Variants in CNTLN observed in about 807,000 individuals in gnomAD.
CNTLN encodes centlein, centrosomal protein.
A neutral mutation model predicts 180.0 loss-of-function variants in CNTLN; 212 were observed. The ratio of observed to expected loss-of-function variants is 1.18; its 90% CI spans 1.05 to 1.32. CNTLN has a LOEUF of 1.32. Ranked by LOEUF, CNTLN falls within the 40% of genes most tolerant of loss-of-function variation. CNTLN has a pLI of 0.00. For synonymous variants in CNTLN, 722 were observed against 563.1 expected, an observed-to-expected ratio of 1.28 and a Z score of -3.99; for missense variants, 2,095 against 1,610.9, an observed-to-expected ratio of 1.30 and a Z score of -5.14.
intron 23 of CNTLN, among the ~76,000 whole-genome samples, chr9:17,468,474 G>C (rs1831874502): frequency 6.6e-6 from 1 of 151,282 alleles, no homozygotes; most frequent in Admixed American, 6.6e-5. Context: ...ATAAATCTTG[G>C]TTTTTGTTTT....
intron 2 of CNTLN, among the ~76,000 whole-genome samples, chr9:17,180,412 T>C (rs1821052405): frequency 6.7e-6 from 1 of 149,752 alleles, no homozygotes; most frequent in African/African-American, 2.4e-5. Flanking sequence ...CTGGTATCAA[T>C]ATTTTACTAC....
At chr9:17,448,727 A>G (rs556779933) in intron 18 of CNTLN, among the ~76,000 whole-genome samples, 2 of 152,192 alleles carry the variant, frequency 1.3e-5, no homozygotes, top group Non-Finnish European at 2.9e-5. Flanking sequence ...TTGAGTGGAC[A>G]TTCACTTAAA....
intron 2 of CNTLN, among the ~76,000 whole-genome samples, chr9:17,195,459 G>A (rs1822070188): frequency 6.6e-6 from 1 of 152,044 alleles, no homozygotes; most frequent in Non-Finnish European, 1.5e-5. Context: ...ATCTCAGAAC[G>A]AATACCAAAA....
chr9:17,363,917 G>A (rs746686342), intron 12 of CNTLN, among the ~76,000 whole-genome samples: 28 of 151,784 alleles, frequency 1.8e-4, no homozygotes, highest in Non-Finnish European at 3.5e-4. Context: ...GTAAACTTTG[G>A]CATGTGAAAG....
rs1200194420 is a variant in CNTLN at position 17,342,375 on chromosome 9, A to C, written c.1817A>C (p.Glu606Ala). The change falls in exon 12 of 26, where the codon GAA becomes GCA. Residue 606 changes from glutamate (E) to alanine (A), a missense_variant. Coordinates refer to ENST00000380647, the MANE Select transcript of CNTLN (RefSeq NM_017738.4). Reference protein sequence around the residue: ...KRADPQQLRQEDSDAVWNELA... With the variant: ...KRADPQQLRQADSDAVWNELA... ...GCAGATCCCCAACAACTTCGACAAG[A>C]AGATTCTGACGCTGTGTGGAATGAA... 7 of 1,612,234 alleles carry C rather than the reference A, an allele frequency of 4.3e-6. No homozygotes were observed. In the Admixed American group the frequency reaches 8.4e-5, roughly 19 times the overall value.
intron 12 of CNTLN, among the ~76,000 whole-genome samples, 174 bp from the exon 13 acceptor site, chr9:17,366,443 C>CT (rs1281101789): frequency 6.6e-6 from 1 of 151,974 alleles, no homozygotes; most frequent in Admixed American, 6.5e-5. Flanking sequence ...CATGCCCAGC[C>CT]TGTGAATATT....
chr9:17,465,435 C>T (rs10756883), intron 21 of CNTLN, among the ~76,000 whole-genome samples: 114,977 of 150,190 alleles, frequency 0.77, 46,699 homozygotes, highest in Non-Finnish European at 0.88. Flanking sequence ...CATACATAGC[C>T]TTGGAATCTT....
At chr9:17,182,672 C>T (rs1821193261) in intron 2 of CNTLN, among the ~76,000 whole-genome samples, 1 of 152,172 alleles carries the variant, frequency 6.6e-6, no homozygotes, top group Non-Finnish European at 1.5e-5. Flanking sequence ...CGAGTTTACC[C>T]TAGAGGGAAG....
At position 17,237,478 on chromosome 9, in the gene CNTLN, G is replaced by GA. The variant is rs11366075; in HGVS notation, c.849+900dup. ...CTGTATCAGTGGATCAAGCTATTCA[G>GA]AAAAAAAAAACAACACAATTAAAAG... On this transcript the variant is annotated intron_variant, in intron 5 of 25. Transcript: ENST00000380647. 1.9e-3 allele frequency among the ~76,000 whole-genome samples: 242 copies of GA among 128,174 alleles called. 4 individuals carry two copies. The highest frequency in any genetic ancestry group is 5.6e-3 in the African/African-American group (202 of 36,180). 84.1% of individuals were successfully genotyped at this position (128,174 alleles called of 152,430 possible). A position where few individuals can be genotyped will look rare whatever the true frequency, so the allele number is the denominator to read the frequency against.
chr9:17,323,435 C>T (rs370975835), intron 8 of CNTLN, among the ~76,000 whole-genome samples: 4 of 152,146 alleles, frequency 2.6e-5, no homozygotes, highest in East Asian at 1.9e-4. Flanking sequence ...AAGGGCTCAG[C>T]GGCAGGCGGG....
At chr9:17,270,478 C>T (rs1827851334) in intron 5 of CNTLN, among the ~76,000 whole-genome samples, 1 of 152,044 alleles carries the variant, frequency 6.6e-6, no homozygotes, top group African/African-American at 2.4e-5. Flanking sequence ...AATAAATTAC[C>T]CAAATCTTTC....
At chr9:17,326,666 A>G (rs1261366891) in intron 8 of CNTLN, among the ~76,000 whole-genome samples, 2 of 152,190 alleles carry the variant, frequency 1.3e-5, no homozygotes, top group Non-Finnish European at 2.9e-5. Flanking sequence ...CAGGTGATCA[A>G]ACTGAATATC....
chr9:17,486,567 T>A (rs961781845), intron 24 of CNTLN, among the ~76,000 whole-genome samples: 2 of 152,132 alleles, frequency 1.3e-5, no homozygotes, highest in African/African-American at 4.8e-5. Flanking sequence ...TGTTCTATTC[T>A]GTTTGTAATG....
intron 6 of CNTLN, among the ~76,000 whole-genome samples, chr9:17,289,645 C>T (rs1175606764): frequency 7.8e-6 from 1 of 127,960 alleles, no homozygotes; most frequent in Non-Finnish European, 1.6e-5. Context: ...TTCAGGTACA[C>T]CAATCAGACG....
chr9:17,435,559 C>CTTTTTTTT (rs35562399), intron 18 of CNTLN, among the ~76,000 whole-genome samples: 1 of 144,144 alleles, frequency 6.9e-6, no homozygotes. Context: ...AAGAGTGGCT[C>CTTTTTTTT]TTTTTTTTTT....
At chr9:17,378,035 C>G (rs1277109322) in intron 13 of CNTLN, among the ~76,000 whole-genome samples, 1 of 152,076 alleles carries the variant, frequency 6.6e-6, no homozygotes, top group Non-Finnish European at 1.5e-5. Context: ...TACTCTAAAT[C>G]AAGGAAGTTG....
intron 8 of CNTLN, among the ~76,000 whole-genome samples, chr9:17,328,576 T>G (rs775416118): frequency 1.3e-5 from 2 of 152,152 alleles, no homozygotes; most frequent in Non-Finnish European, 2.9e-5. Context: ...AAAACACTTC[T>G]TGTAAACATG....
intron 5 of CNTLN, among the ~76,000 whole-genome samples, chr9:17,267,027 T>A (rs199725213): frequency 6.6e-6 from 1 of 152,132 alleles, no homozygotes; most frequent in Non-Finnish European, 1.5e-5. Context: ...TGGAGCATGT[T>A]GCCCATTTAC....
At chr9:17,214,823 C>T (rs1823613910) in intron 2 of CNTLN, among the ~76,000 whole-genome samples, 1 of 152,042 alleles carries the variant, frequency 6.6e-6, no homozygotes, top group Non-Finnish European at 1.5e-5. Context: ...TCACTGATAC[C>T]CTTTCTTCCA....
Sources: gnomAD v4.1 joint callset for allele counts (sites outside exome capture counted in the v4.1 genomes callset) on GRCh38, gnomAD v4.1.1 for gene constraint, MANE v1.5 for transcripts, NCBI Gene and HGNC (gene_info 2026-07-23, HGNC 2026-07-21) for gene names.